Variants in CSMD1 observed in about 807,000 individuals in gnomAD.
The protein encoded by CSMD1 is CUB and Sushi multiple domains 1, also known as CUB and sushi domain-containing protein 1.
CSMD1 carries 213 observed loss-of-function variants against 417.5 expected under a neutral mutation model. That is an observed-to-expected ratio of 0.51 (90% CI 0.46 to 0.57). CSMD1 has a LOEUF of 0.57. Ranked by LOEUF, CSMD1 falls within the 20% of genes least tolerant of loss-of-function variation. The probability of loss-of-function intolerance (pLI) is 0.00; values close to 1 mark genes in which losing one functional copy is unlikely to be tolerated. For synonymous variants in CSMD1, 2,862 were observed against 1,736.8 expected, an observed-to-expected ratio of 1.65 and a Z score of -16.11; for missense variants, 6,923 against 4,529.7, an observed-to-expected ratio of 1.53 and a Z score of -15.17.
At chr8:3,034,027 T>G (rs1283848766) in intron 50 of CSMD1, among the ~76,000 whole-genome samples, 1 of 152,208 alleles carries the variant, frequency 6.6e-6, no homozygotes, top group Non-Finnish European at 1.5e-5. Flanking sequence ...CTCCTCCAGC[T>G]GCCTCCCCAT....
chr8:3,299,519 A>C (rs1043610447), intron 25 of CSMD1, among the ~76,000 whole-genome samples: 1 of 152,012 alleles, frequency 6.6e-6, no homozygotes, highest in African/African-American at 2.4e-5. Flanking sequence ...CAGGCACGTG[A>C]GGAAAAGCAC....
chr8:3,703,730 G>A (rs966921645), intron 7 of CSMD1, among the ~76,000 whole-genome samples: 9 of 152,260 alleles, frequency 5.9e-5, no homozygotes, highest in African/African-American at 2.2e-4. Flanking sequence ...AGTGAAAAAA[G>A]CAGGAGTTTG....
chr8:4,945,865 T>G (rs1480892008), intron 1 of CSMD1, among the ~76,000 whole-genome samples: 2 of 152,132 alleles, frequency 1.3e-5, no homozygotes, highest in Admixed American at 6.6e-5. Flanking sequence ...TAGCAGGATT[T>G]GGCAGACAAT....
chr8:3,059,021 T>C (rs770435451), intron 49 of CSMD1, among the ~76,000 whole-genome samples: 7 of 151,920 alleles, frequency 4.6e-5, no homozygotes, highest in Non-Finnish European at 8.8e-5. Context: ...GGAGGATGTG[T>C]TGGTGATTTT....
At chr8:4,803,853 A>G (rs1449836267) in intron 1 of CSMD1, among the ~76,000 whole-genome samples, 1 of 152,192 alleles carries the variant, frequency 6.6e-6, no homozygotes, top group Non-Finnish European at 1.5e-5. Context: ...TGTGTGTTAC[A>G]TATTTTTTGT....
rs186090884 is a variant in CSMD1 at position 3,877,104 on chromosome 8, G to C, written c.818+120799C>G. 3.9e-5 allele frequency among the ~76,000 whole-genome samples: 6 copies of C among 152,292 alleles called. No individual in the cohort carries two copies. The East Asian group carries it at 7.7e-4, about 20-fold the overall frequency. Reference sequence around the variant, plus strand: ...TACAAGGGAGATTCAGCCTGAAGTAGTGCAACTCCTCGGTGAAGCAGGCGA... The same window carrying C: ...TACAAGGGAGATTCAGCCTGAAGTACTGCAACTCCTCGGTGAAGCAGGCGA... On this transcript the variant is annotated intron_variant, in intron 5 of 69. Transcript: ENST00000635120.
At chr8:4,650,011 A>G (rs536778776) in intron 1 of CSMD1, among the ~76,000 whole-genome samples, 28 of 152,320 alleles carry the variant, frequency 1.8e-4, no homozygotes, top group Non-Finnish European at 4.1e-4. Flanking sequence ...CTTGATTGAT[A>G]TTAGAATTTA....
chr8:3,927,099 A>T (rs574294410), intron 5 of CSMD1, among the ~76,000 whole-genome samples: 223 of 152,048 alleles, frequency 1.5e-3, no homozygotes, highest in African/African-American at 5.2e-3. Flanking sequence ...TTTAGGTATT[A>T]TTATCGTTTT....
At chr8:4,877,402 T>G (rs1356667453) in intron 1 of CSMD1, among the ~76,000 whole-genome samples, 1 of 152,064 alleles carries the variant, frequency 6.6e-6, no homozygotes, top group Admixed American at 6.6e-5. Context: ...GAGTAATAAT[T>G]CCATTGTAAA....
At chr8:4,678,273 T>C (rs1805822440) in intron 1 of CSMD1, among the ~76,000 whole-genome samples, 2 of 152,002 alleles carry the variant, frequency 1.3e-5, no homozygotes, top group African/African-American at 2.4e-5. Flanking sequence ...TAGCCAGGTG[T>C]GGTGGCACGC....
chr8:4,544,597 C>T (rs183679531), intron 2 of CSMD1, among the ~76,000 whole-genome samples: 2 of 152,182 alleles, frequency 1.3e-5, no homozygotes, highest in African/African-American at 2.4e-5. Flanking sequence ...TAAAAATATA[C>T]ACAAATCTTC....
At chr8:3,397,714 C>G (rs77623348) in intron 16 of CSMD1, among the ~76,000 whole-genome samples, 1,864 of 152,320 alleles carry the variant, frequency 0.012, 47 homozygotes, top group East Asian at 0.096. Context: ...TTGTCCTATC[C>G]TGTTTCTTTA....
At chr8:4,255,457 A>G (rs1803388185) in intron 3 of CSMD1, among the ~76,000 whole-genome samples, 1 of 152,232 alleles carries the variant, frequency 6.6e-6, no homozygotes, top group Non-Finnish European at 1.5e-5. Flanking sequence ...TAATATAAAA[A>G]TGATTCTATA....
intron 1 of CSMD1, among the ~76,000 whole-genome samples, chr8:4,881,844 G>C (rs904872680): frequency 7.2e-5 from 11 of 151,914 alleles, no homozygotes; most frequent in Non-Finnish European, 1.6e-4. Flanking sequence ...TCTACAATTC[G>C]AGCATTATTT....
chr8:4,607,372 A>T (rs1761431233), intron 2 of CSMD1, among the ~76,000 whole-genome samples: 1 of 152,176 alleles, frequency 6.6e-6, no homozygotes, highest in South Asian at 2.1e-4. Context: ...GACAGGAATA[A>T]TACGGAGTAG....
intron 6 of CSMD1, among the ~76,000 whole-genome samples, chr8:3,728,330 GC>G (rs1271460803): frequency 6.6e-6 from 1 of 152,080 alleles, no homozygotes; most frequent in African/African-American, 2.4e-5. Context: ...AGGCCTCCCA[GC>G]CACGTGGAAC....
At chr8:4,819,773 G>C (rs918776639) in intron 1 of CSMD1, among the ~76,000 whole-genome samples, 17 of 152,010 alleles carry the variant, frequency 1.1e-4, no homozygotes, top group African/African-American at 4.1e-4. Context: ...GCTTTTCCAT[G>C]AAACAGGAGT....
intron 16 of CSMD1, among the ~76,000 whole-genome samples, chr8:3,397,439 C>G (rs930248709): frequency 6.6e-6 from 1 of 152,136 alleles, no homozygotes; most frequent in Non-Finnish European, 1.5e-5. Flanking sequence ...TGCAAATGCA[C>G]ATGATTACCT....
chr8:3,821,547 C>G (rs571587678), intron 5 of CSMD1, among the ~76,000 whole-genome samples: 1 of 152,258 alleles, frequency 6.6e-6, no homozygotes, highest in South Asian at 2.1e-4. Flanking sequence ...CTTTGAAAGG[C>G]CGAGGAGGGC....
Sources: allele counts gnomAD v4.1 joint callset (sites outside exome capture counted in the v4.1 genomes callset), GRCh38; gene constraint gnomAD v4.1.1; transcripts MANE v1.5; gene names NCBI Gene and HGNC (gene_info 2026-07-23, HGNC 2026-07-21).